The following KLF3 variants were observed in gnomAD, a reference collection of about 807,000 sequenced individuals.
The protein encoded by KLF3 is Krueppel-like factor 3.
KLF3 carries 6 observed loss-of-function variants against 32.7 expected under a neutral mutation model. That is an observed-to-expected ratio of 0.18 (90% CI 0.10 to 0.36). The LOEUF is 0.36. Ranked by LOEUF, KLF3 falls within the 10% of genes least tolerant of loss-of-function variation. KLF3 has a pLI of 1.00. For synonymous variants in KLF3, 145 were observed against 172.8 expected, an observed-to-expected ratio of 0.84 and a Z score of 1.26; for missense variants, 338 against 449.7, an observed-to-expected ratio of 0.75 and a Z score of 2.25.
In KLF3 at chr4:38,699,347, T is replaced by A. The variant is rs982598436; in HGVS notation, c.*2084T>A. On this transcript the variant is annotated 3_prime_UTR_variant, in exon 6 of 6. Transcript: ENST00000261438. The stretch of plus-strand genomic sequence containing the variant: ...ATAAAATGGCTCTTTGAAAAGTAGA[T>A]ATTGTCTGTATTGTAAATGCTTAGT... The A allele has an allele frequency of 1.3e-5, 2 of 152,206 alleles. No homozygotes were observed. Among genetic ancestry groups the A allele is most frequent in the Admixed American group, 1.3e-4 (2 of 15,282 alleles). The allele number at this position is 152,206 out of a possible 1,614,324, so 9.4% of individuals were successfully genotyped here.
At chr4:38,676,073 A>T (rs1722341253) in intron 1 of KLF3, among the ~76,000 whole-genome samples, 1 of 152,100 alleles carries the variant, frequency 6.6e-6, no homozygotes, top group African/African-American at 2.4e-5. Flanking sequence ...CATGTGTTTG[A>T]TTCTGTTTCT....
chr4:38,664,669 G>A (rs1171202784), intron 1 of KLF3: 4 of 151,850 alleles, frequency 2.6e-5, no homozygotes, highest in African/African-American at 4.8e-5. Context: ...GCAAGGAGGA[G>A]GGGGTCACGG....
intron 2 of KLF3, among the ~76,000 whole-genome samples, chr4:38,686,741 C>T (rs16994718): frequency 0.21 from 32,309 of 152,036 alleles, 3,913 homozygotes; most frequent in African/African-American, 0.33. Flanking sequence ...TGTATAAGCT[C>T]GTTGTGTAGG....
In KLF3 at chr4:38,688,705, G is replaced by C; in HGVS notation, c.178G>C (p.Glu60Gln). 6.2e-7 allele frequency: 1 copy of C among 1,614,192 alleles called. No homozygotes were observed. The highest frequency in any genetic ancestry group is 8.5e-7 in the Non-Finnish European group (1 of 1,180,046). The change falls in exon 3 of 6, where the codon GAG becomes CAG. Residue 60 changes from glutamate to glutamine, a missense_variant. Coordinates refer to ENST00000261438, the MANE Select transcript of KLF3 (RefSeq NM_016531.6). This position sits in a 1 kb window ranked among gnomAD's most constrained non-coding sequence, Gnocchi z 4.9. ...PEGLSHGIQM[E>Q]PVDLTVNKRS... is the part of the protein sequence containing the mutation. ...AGGTCTGTCGCACGGAATACAGATG[G>C]AGCCAGTGGACCTCACGGTGAACAA...
chr4:38,693,973 G>A (rs1322703569), intron 4 of KLF3, among the ~76,000 whole-genome samples: 2 of 152,188 alleles, frequency 1.3e-5, no homozygotes, highest in African/African-American at 4.8e-5. Flanking sequence ...AGGAAGGTAG[G>A]GAGAACGTCA....
chr4:38,669,735 G>A (rs1306440844), intron 1 of KLF3, among the ~76,000 whole-genome samples: 1 of 151,388 alleles, frequency 6.6e-6, no homozygotes, highest in Non-Finnish European at 1.5e-5. Context: ...TTTACTAAAA[G>A]TACAAAAATT....
At chr4:38,694,369 A>C (rs1382238955) in intron 4 of KLF3, among the ~76,000 whole-genome samples, 1 of 152,202 alleles carries the variant, frequency 6.6e-6, no homozygotes, top group African/African-American at 2.4e-5. Context: ...AGTAGGCAGA[A>C]GTTGACTGAG....
chr4:38,675,886 T>G (rs7693439), intron 1 of KLF3, among the ~76,000 whole-genome samples: 9,708 of 152,292 alleles, frequency 0.064, 980 homozygotes, highest in African/African-American at 0.21. Flanking sequence ...GGGCTTAAGT[T>G]ACTTCTCAGT....
intron 2 of KLF3, 26 bp downstream of exon 2, chr4:38,680,708 C>A (rs754329020): frequency 3.2e-6 from 5 of 1,567,382 alleles, no homozygotes; most frequent in Non-Finnish European, 4.4e-6. Context: ...TTGAACACCT[C>A]GCCTTATTTT....
rs1412200733 is a variant in KLF3, at chr4:38,689,960, G to C, written c.695+81G>C. 1.2e-5 allele frequency: 16 copies of C among 1,384,124 alleles called. No individual in the cohort carries two copies. In the Admixed American group the frequency reaches 3.2e-4, roughly 28 times the overall value. 85.7% of individuals were successfully genotyped at this position (1,384,124 alleles called of 1,614,324 possible). A position where few individuals can be genotyped will look rare whatever the true frequency, so the allele number is the denominator to read the frequency against. On this transcript the variant is annotated intron_variant, in intron 4 of 5. Coordinates refer to ENST00000261438, the MANE Select transcript of KLF3 (RefSeq NM_016531.6). ...GGAGCAGAAGCACAAGATTTCACAC[G>C]TGTGATGTGGTGTGGATGACCAGGA...
chr4:38,686,501 TTAG>T (rs1412577604), intron 2 of KLF3, among the ~76,000 whole-genome samples: 4 of 151,704 alleles, frequency 2.6e-5, no homozygotes, highest in African/African-American at 7.3e-5. Flanking sequence ...AAATAGACCT[TTAG>T]TATCTTTATT....
intron 2 of KLF3, among the ~76,000 whole-genome samples, chr4:38,686,443 CAAAAA>C (rs61128677): frequency 5.9e-5 from 6 of 100,956 alleles, no homozygotes; most frequent in South Asian, 6.6e-4. Flanking sequence ...GACCCTATCT[CAAAAA>C]AAAAAAAAAA....
chr4:38,672,354 C>G (rs1446901939), intron 1 of KLF3, among the ~76,000 whole-genome samples: 1 of 152,114 alleles, frequency 6.6e-6, no homozygotes, highest in Non-Finnish European at 1.5e-5. Context: ...TCTGTCCTTC[C>G]CAGTACTGGT....
chr4:38,690,000 G>C, intron 4 of KLF3, 121 bp downstream of exon 4: 1 of 965,322 alleles, frequency 1.0e-6, no homozygotes, highest in South Asian at 1.8e-5. Context: ...CTTGTGATCT[G>C]TGGCCGCCAC....
intron 4 of KLF3, among the ~76,000 whole-genome samples, chr4:38,693,129 CGTGT>C (rs1722933634): frequency 2.0e-5 from 2 of 99,536 alleles, no homozygotes; most frequent in African/African-American, 7.5e-5. Flanking sequence ...TATATATATA[CGTGT>C]ATATATATGT....
rs940690816 is a variant in KLF3, at chr4:38,699,121, T to C, written c.*1858T>C. 2.0e-5 allele frequency: 3 copies of C among 152,200 alleles called. No individual in the cohort carries two copies. The highest frequency in any genetic ancestry group is 7.2e-5 in the African/African-American group (3 of 41,448). 9.4% of individuals were successfully genotyped at this position (152,200 alleles called of 1,614,324 possible). A position where few individuals can be genotyped will look rare whatever the true frequency, so the allele number is the denominator to read the frequency against. On this transcript the variant is annotated 3_prime_UTR_variant, in exon 6 of 6. Coordinates refer to ENST00000261438, the MANE Select transcript of KLF3 (RefSeq NM_016531.6). ...GTGAACCAGCTGTAAAGAAATGTAG[T>C]TAAGAAATGCAAAGAAATGTGTTAT...
chr4:38,667,654 T>G (rs1560412173), intron 1 of KLF3, among the ~76,000 whole-genome samples: 1 of 152,246 alleles, frequency 6.6e-6, no homozygotes, highest in East Asian at 1.9e-4. Flanking sequence ...TTGAAGTGGT[T>G]AGGGCGTTTG....
At chr4:38,683,023 G>A (rs146670063) in intron 2 of KLF3, among the ~76,000 whole-genome samples, 290 of 152,128 alleles carry the variant, frequency 1.9e-3, no homozygotes, top group African/African-American at 6.7e-3. Flanking sequence ...GTGTTAAAAT[G>A]ATTTTACTTA....
intron 4 of KLF3, 78 bp from the exon 5 acceptor site, chr4:38,694,667 GT>G: frequency 7.9e-7 from 1 of 1,261,962 alleles, no homozygotes; most frequent in Non-Finnish European, 1.1e-6. Context: ...TTTGCCCAGT[GT>G]TGTTAATGCT....
Sources: allele counts gnomAD v4.1 joint callset (sites outside exome capture counted in the v4.1 genomes callset), GRCh38; gene constraint gnomAD v4.1.1; non-coding constraint Gnocchi (gnomAD v3.1); transcripts MANE v1.5; gene names NCBI Gene and HGNC (gene_info 2026-07-23, HGNC 2026-07-21).